Variants in NBAS observed in about 807,000 individuals in gnomAD.
NBAS encodes NAG/BC035112 fusion.
NBAS carries 219 observed loss-of-function variants against 302.5 expected under a neutral mutation model. The ratio of observed to expected loss-of-function variants is 0.72; its 90% CI spans 0.65 to 0.81. NBAS has a LOEUF of 0.81. NBAS is among the 30% of genes least tolerant of loss of function. The pLI is 0.00. For synonymous variants in NBAS, 1,118 were observed against 1,021.6 expected, an observed-to-expected ratio of 1.09 and a Z score of -1.80; for missense variants, 2,932 against 2,841.6, an observed-to-expected ratio of 1.03 and a Z score of -0.72.
At chr2:15,001,836 A>C in the NBAS span, among the ~76,000 whole-genome samples, 5 of 152,238 alleles carry the variant, frequency 3.3e-5, no homozygotes, top group African/African-American at 1.2e-4. Context: ...GTTACAGCTC[A>C]TAAAAGCAGT....
the NBAS span, among the ~76,000 whole-genome samples, chr2:14,826,047 G>A: frequency 6.6e-6 from 1 of 152,230 alleles, no homozygotes; most frequent in South Asian, 2.1e-4. Flanking sequence ...ATAAGTAACT[G>A]TGTGAAGTAA....
intron 38 of NBAS, among the ~76,000 whole-genome samples, chr2:15,321,753 G>A (rs1671817296): frequency 2.0e-5 from 3 of 152,178 alleles, no homozygotes; most frequent in Admixed American, 2.0e-4. Flanking sequence ...ATGCTAGAGA[G>A]GATGTGGAGA....
At chr2:15,266,294 T>C (rs991793303) in intron 44 of NBAS, among the ~76,000 whole-genome samples, 11 of 152,174 alleles carry the variant, frequency 7.2e-5, no homozygotes, top group African/African-American at 1.9e-4. Context: ...ACAGCAGACA[T>C]TGTTAACATT....
the NBAS span, among the ~76,000 whole-genome samples, chr2:15,116,673 C>T: frequency 2.6e-5 from 4 of 152,198 alleles, no homozygotes; most frequent in Non-Finnish European, 5.9e-5. Context: ...TACATGTGTG[C>T]AGCACTGTAC....
intron 11 of NBAS, among the ~76,000 whole-genome samples, chr2:15,496,942 G>T (rs1681094625): frequency 6.6e-6 from 1 of 152,076 alleles, no homozygotes; most frequent in Non-Finnish European, 1.5e-5. Context: ...TAAATTGAAG[G>T]ACTATAAGAG....
intron 21 of NBAS, among the ~76,000 whole-genome samples, chr2:15,436,264 C>T (rs1013000050): frequency 1.3e-5 from 2 of 152,140 alleles, no homozygotes; most frequent in Admixed American, 6.5e-5. Context: ...AGACTATTTG[C>T]CTGTAGATAA....
At chr2:15,191,613 A>G (rs1485883198) in intron 48 of NBAS, among the ~76,000 whole-genome samples, 1 of 152,190 alleles carries the variant, frequency 6.6e-6, no homozygotes, top group Non-Finnish European at 1.5e-5. Flanking sequence ...ATCTCACTTT[A>G]CAGATGAGGA....
the NBAS span, among the ~76,000 whole-genome samples, chr2:14,898,205 C>T: frequency 1.8e-4 from 28 of 152,216 alleles, no homozygotes; most frequent in Non-Finnish European, 3.4e-4. Context: ...AGCTAATTCA[C>T]ATTAAATGCT....
intron 51 of NBAS, among the ~76,000 whole-genome samples, chr2:15,175,130 C>T (rs1664474958): frequency 6.6e-6 from 1 of 152,114 alleles, no homozygotes; most frequent in Admixed American, 6.6e-5. Flanking sequence ...CCACAACTGG[C>T]TAATTTTTTG....
intron 6 of NBAS, among the ~76,000 whole-genome samples, chr2:15,542,691 G>T (rs928610514): frequency 3.3e-5 from 5 of 151,552 alleles, no homozygotes; most frequent in Non-Finnish European, 7.4e-5. Flanking sequence ...GCAGGCACAG[G>T]TGCAAAATAA....
the NBAS span, among the ~76,000 whole-genome samples, chr2:15,144,411 GA>G: frequency 7.9e-5 from 12 of 152,276 alleles, no homozygotes; most frequent in Non-Finnish European, 1.8e-4. Flanking sequence ...TTTGTTTCCT[GA>G]AAGAATGACT....
chr2:15,165,558 G>T (rs1306482365), downstream of NBAS, among the ~76,000 whole-genome samples: 1 of 152,192 alleles, frequency 6.6e-6, no homozygotes, highest in South Asian at 2.1e-4. Flanking sequence ...CTAGAGGAGC[G>T]GAAATGAGGT....
the NBAS span, among the ~76,000 whole-genome samples, chr2:14,854,444 A>G: frequency 1.1e-3 from 168 of 151,866 alleles, 1 homozygote; most frequent in East Asian, 0.031. Flanking sequence ...ATCTACACAG[A>G]AAAAAAACCC....
chr2:15,085,064 A>G, the NBAS span, among the ~76,000 whole-genome samples: 2,912 of 152,228 alleles, frequency 0.019, 99 homozygotes, highest in African/African-American at 0.065. Flanking sequence ...GGCTGCTGTG[A>G]CGGGCCGGGC....
chr2:15,187,456 T>A lies in NBAS; in HGVS notation c.6573-576A>T, dbSNP rs188318528. Among the ~76,000 whole-genome samples, 49 of 152,272 alleles carry A rather than the reference T, an allele frequency of 3.2e-4. No individual in the cohort carries two copies. The South Asian group carries it at 0.01, about 32-fold the overall frequency. The stretch of plus-strand genomic sequence containing the variant: ...ACTAAGTTACAATCAGGGTATTGCA[T>A]AGCAGAGGTCAGCTGGGGAGCATAG... On this transcript the variant is annotated intron_variant, in intron 49 of 51. Coordinates refer to ENST00000281513, the MANE Select transcript of NBAS (RefSeq NM_015909.4).
the NBAS span, among the ~76,000 whole-genome samples, chr2:14,865,203 G>C: frequency 6.6e-6 from 1 of 151,996 alleles, no homozygotes; most frequent in African/African-American, 2.4e-5. Context: ...TGGGGTGAGT[G>C]GGGGGGAATA....
At chr2:14,780,463 G>T in the NBAS span, among the ~76,000 whole-genome samples, 8 of 152,334 alleles carry the variant, frequency 5.3e-5, no homozygotes, top group African/African-American at 1.4e-4. Flanking sequence ...TTGATTTAAA[G>T]AGCTAAGACT....
At chr2:15,252,358 C>T (rs1399989885) in intron 44 of NBAS, among the ~76,000 whole-genome samples, 5 of 151,874 alleles carry the variant, frequency 3.3e-5, no homozygotes, top group Non-Finnish European at 7.4e-5. Flanking sequence ...ATTAGCCGGG[C>T]GTGGTGGCGC....
At chr2:15,089,781 C>A in the NBAS span, among the ~76,000 whole-genome samples, 1 of 129,486 alleles carries the variant, frequency 7.7e-6, no homozygotes, top group African/African-American at 3.0e-5. Context: ...CAGAGTCTCG[C>A]TCTGTCACCC....
Sources: gnomAD v4.1 joint callset for allele counts (sites outside exome capture counted in the v4.1 genomes callset) on GRCh38, gnomAD v4.1.1 for gene constraint, MANE v1.5 for transcripts, NCBI Gene and HGNC (gene_info 2026-07-23, HGNC 2026-07-21) for gene names.